KCNMB2: variants seen among roughly 807,000 people sequenced by gnomAD.
KCNMB2 encodes the protein potassium calcium-activated channel subfamily M regulatory beta subunit 2.
KCNMB2 carries 9 observed loss-of-function variants against 24.5 expected under a neutral mutation model. That is an observed-to-expected ratio of 0.37 (90% CI 0.22 to 0.64). KCNMB2 has a LOEUF of 0.64. KCNMB2 is among the 30% of genes least tolerant of loss of function. The pLI, the probability that KCNMB2 is intolerant of heterozygous loss-of-function variation, is 0.63. For synonymous variants in KCNMB2, 109 were observed against 104.4 expected (o/e 1.04, Z -0.27); for missense variants, 226 against 284.3 (o/e 0.79, Z 1.47).
intron 1 of KCNMB2, among the ~76,000 whole-genome samples, chr3:178,789,030 G>A (rs1030208878): frequency 1.3e-5 from 2 of 152,210 alleles, no homozygotes; most frequent in Admixed American, 6.5e-5. Flanking sequence ...CACAGATGGT[G>A]AAACTGGGGG....
intron 1 of KCNMB2, among the ~76,000 whole-genome samples, chr3:178,691,672 G>T (rs185553262): frequency 6.6e-6 from 1 of 152,274 alleles, no homozygotes; most frequent in Non-Finnish European, 1.5e-5. Context: ...GGGCATTTAT[G>T]TTGATTCCAT....
chr3:178,679,435 A>G (rs947038516), intron 1 of KCNMB2, among the ~76,000 whole-genome samples: 5 of 152,228 alleles, frequency 3.3e-5, no homozygotes, highest in South Asian at 2.1e-4. Context: ...ATGAATGCGT[A>G]TTAAAATCTT....
At chr3:178,808,921 A>G (rs1022681042) in intron 2 of KCNMB2, among the ~76,000 whole-genome samples, 1 of 152,206 alleles carries the variant, frequency 6.6e-6, no homozygotes, top group African/African-American at 2.4e-5. Flanking sequence ...ATAGCCCAGA[A>G]GGCAAATAAT....
intron 1 of KCNMB2, among the ~76,000 whole-genome samples, chr3:178,634,911 TA>T (rs1719460441): frequency 6.6e-6 from 1 of 151,650 alleles, no homozygotes; most frequent in South Asian, 2.1e-4. Flanking sequence ...AGGCCTAGGG[TA>T]AAATGGGAGA....
At chr3:178,685,041 T>A (rs1721415854) in intron 1 of KCNMB2, among the ~76,000 whole-genome samples, 1 of 152,236 alleles carries the variant, frequency 6.6e-6, no homozygotes, top group African/African-American at 2.4e-5. Context: ...CCTCTTCTAC[T>A]CTGCTACTTC....
intron 1 of KCNMB2, among the ~76,000 whole-genome samples, chr3:178,693,459 T>C (rs1721756635): frequency 6.6e-6 from 1 of 152,196 alleles, no homozygotes. Flanking sequence ...TTAACATGAA[T>C]GAAAGTTGAA....
intron 1 of KCNMB2, among the ~76,000 whole-genome samples, chr3:178,644,426 T>C (rs184961332): frequency 6.6e-6 from 1 of 152,270 alleles, no homozygotes; most frequent in Admixed American, 6.5e-5. Context: ...GTGATAAGTA[T>C]CATAGCCAGA....
chr3:178,724,806 T>C (rs901674745), intron 1 of KCNMB2, among the ~76,000 whole-genome samples: 3 of 152,132 alleles, frequency 2.0e-5, no homozygotes, highest in Admixed American at 6.6e-5. Context: ...AAATACCATT[T>C]TGTTGTGGGT....
chr3:178,583,887 T>C (rs909110428), intron 1 of KCNMB2, among the ~76,000 whole-genome samples: 21 of 152,218 alleles, frequency 1.4e-4, no homozygotes. Context: ...TAATTACCTG[T>C]TCTCATGGCC....
At chr3:178,807,529 C>A in intron 2 of KCNMB2, 64 bp downstream of exon 2, 1 of 1,396,618 alleles carries the variant, frequency 7.2e-7, no homozygotes, top group Non-Finnish European at 1.0e-6. Flanking sequence ...AAAGAGGATA[C>A]TGACAGGAAA....
chr3:178,697,377 T>C (rs1446794134), intron 1 of KCNMB2, among the ~76,000 whole-genome samples: 2 of 152,352 alleles, frequency 1.3e-5, no homozygotes, highest in African/African-American at 4.8e-5. Context: ...TGGTCTTTTT[T>C]GATCTTTGTT....
At chr3:178,825,899 A>C in intron 3 of KCNMB2, 141 bp downstream of exon 3, 1 of 601,436 alleles carries the variant, frequency 1.7e-6, no homozygotes, top group Non-Finnish European at 2.9e-6. Context: ...AATACTTTTC[A>C]ATAATGTTAT....
intron 1 of KCNMB2, among the ~76,000 whole-genome samples, chr3:178,720,502 G>A (rs75306881): frequency 1.8e-5 from 2 of 110,264 alleles, no homozygotes; most frequent in South Asian, 3.0e-4. Context: ...ACCCAGTAAC[G>A]GGATGGCTGG....
chr3:178,814,130 T>C (rs1213825225), intron 2 of KCNMB2, among the ~76,000 whole-genome samples: 1 of 152,142 alleles, frequency 6.6e-6, no homozygotes, highest in African/African-American at 2.4e-5. Context: ...ATAGGTAGTT[T>C]TTCAACTCTT....
In KCNMB2 at chr3:178,825,574, G is replaced by T. The variant is rs192493365; in HGVS notation, c.57-14G>T. On this transcript the variant is annotated splice_polypyrimidine_tract_variant and intron_variant, in intron 2 of 4. Coordinates refer to ENST00000452583, the MANE Select transcript of KCNMB2 (RefSeq NM_181361.3). ...ACTAAACTTAATGTAAGACCATATTGTTTTTAACCTCAGAAATATTTACCA... is the reference window on the plus strand; with the variant it reads ...ACTAAACTTAATGTAAGACCATATTTTTTTTAACCTCAGAAATATTTACCA... 545 of 1,607,964 alleles carry T rather than the reference G, an allele frequency of 3.4e-4. 5 individuals carry two copies. In the East Asian group the frequency reaches 0.01, roughly 31 times the overall value.
At chr3:178,637,000 A>G (rs1719550422) in intron 1 of KCNMB2, among the ~76,000 whole-genome samples, 2 of 150,206 alleles carry the variant, frequency 1.3e-5, no homozygotes, top group African/African-American at 4.9e-5. Flanking sequence ...ATGACTTCCA[A>G]CTCCATCCAT....
chr3:178,757,364 A>AG (rs1724120902), intron 1 of KCNMB2, among the ~76,000 whole-genome samples: 1 of 46,042 alleles, frequency 2.2e-5, no homozygotes, highest in African/African-American at 1.0e-4. Context: ...ATATATATAT[A>AG]TATATATATC....
At chr3:178,692,977 G>GTGGCAAA (rs1560169564) in intron 1 of KCNMB2, among the ~76,000 whole-genome samples, 6 of 152,068 alleles carry the variant, frequency 3.9e-5, no homozygotes, top group African/African-American at 7.2e-5. Flanking sequence ...CCCTAGTTAG[G>GTGGCAAA]TGTATTCCTA....
chr3:178,551,861 G>C (rs1355523302), intron 1 of KCNMB2, among the ~76,000 whole-genome samples: 1 of 152,162 alleles, frequency 6.6e-6, no homozygotes, highest in African/African-American at 2.4e-5. Context: ...GCTGAAGCCT[G>C]CCAGACTGAC....
Sources: allele counts gnomAD v4.1 joint callset (sites outside exome capture counted in the v4.1 genomes callset), GRCh38; gene constraint gnomAD v4.1.1; transcripts MANE v1.5; gene names NCBI Gene and HGNC (gene_info 2026-07-23, HGNC 2026-07-21).